ULK4: variants seen among roughly 807,000 people sequenced by gnomAD.
ULK4 encodes the protein unc-51 like kinase 4.
Under a neutral mutation model 160.6 loss-of-function variants are expected in ULK4, and 133 were observed. The ratio of observed to expected loss-of-function variants is 0.83; its 90% CI spans 0.72 to 0.96. The LOEUF is 0.96. Ranked by LOEUF, ULK4 falls within the 40% of genes least tolerant of loss-of-function variation. The pLI is 0.00. For synonymous variants in ULK4, 534 were observed against 539.8 expected, an observed-to-expected ratio of 0.99 and a Z score of 0.15; for missense variants, 1,580 against 1,499.5, an observed-to-expected ratio of 1.05 and a Z score of -0.89.
At chr3:41,318,921 T>C (rs886232117) in intron 35 of ULK4, among the ~76,000 whole-genome samples, 2 of 152,112 alleles carry the variant, frequency 1.3e-5, no homozygotes, top group African/African-American at 4.8e-5. Flanking sequence ...CTACTTCCAG[T>C]GTATGTTAAT....
At chr3:41,264,902 A>G (rs1449327910) in intron 35 of ULK4, among the ~76,000 whole-genome samples, 2 of 152,188 alleles carry the variant, frequency 1.3e-5, no homozygotes, top group Non-Finnish European at 2.9e-5. Flanking sequence ...AACATGCTCT[A>G]CTGAGCAAAA....
At chr3:41,702,100 A>T (rs2036695351) in intron 27 of ULK4, among the ~76,000 whole-genome samples, 1 of 152,202 alleles carries the variant, frequency 6.6e-6, no homozygotes, top group Non-Finnish European at 1.5e-5. Flanking sequence ...TATAGTTAGA[A>T]GTAAAAAAAC....
intron 1 of ULK4, among the ~76,000 whole-genome samples, chr3:41,959,475 C>T (rs1700595579): frequency 6.7e-6 from 1 of 149,826 alleles, no homozygotes; most frequent in Non-Finnish European, 1.5e-5. Context: ...TGCAGTGAGC[C>T]GATTGCGCCA....
chr3:41,794,660 CAAAAAAAAAAAAA>C (rs71075484), intron 20 of ULK4, among the ~76,000 whole-genome samples: 4 of 18,996 alleles, frequency 2.1e-4, no homozygotes, highest in East Asian at 2.6e-3. Flanking sequence ...GACTCTGTCT[CAAAAAAAAAAAAA>C]AAAAAAAAAA....
At chr3:41,548,554 T>C (rs1450390768) in intron 32 of ULK4, among the ~76,000 whole-genome samples, 2 of 152,056 alleles carry the variant, frequency 1.3e-5, no homozygotes, top group Non-Finnish European at 2.9e-5. Context: ...CAGAACATCA[T>C]TACCACTGCT....
intron 18 of ULK4, among the ~76,000 whole-genome samples, chr3:41,826,071 T>G (rs1345487947): frequency 6.6e-6 from 1 of 152,018 alleles, no homozygotes; most frequent in Non-Finnish European, 1.5e-5. Context: ...GCTTCGTAAG[T>G]GAAGGAGAAA....
At chr3:41,822,107 T>C (rs532629125) in intron 18 of ULK4, among the ~76,000 whole-genome samples, 7 of 152,292 alleles carry the variant, frequency 4.6e-5, no homozygotes, top group Admixed American at 2.0e-4. Context: ...GCTGACATAA[T>C]TACCCTCTTA....
chr3:41,253,197 A>G (rs779126462), intron 35 of ULK4, among the ~76,000 whole-genome samples: 10 of 152,148 alleles, frequency 6.6e-5, no homozygotes, highest in Non-Finnish European at 1.5e-4. Context: ...CACCAGAAGG[A>G]AACTTGGAAC....
chr3:41,476,151 C>T (rs1038286456), intron 32 of ULK4, among the ~76,000 whole-genome samples: 2 of 151,970 alleles, frequency 1.3e-5, no homozygotes, highest in Non-Finnish European at 2.9e-5. Context: ...GGTCCATAAC[C>T]CCTAAGGGTA....
chr3:41,570,201 T>A (rs1010548721), intron 31 of ULK4, among the ~76,000 whole-genome samples: 1 of 152,252 alleles, frequency 6.6e-6, no homozygotes, highest in Admixed American at 6.5e-5. Flanking sequence ...TTGCCATGTA[T>A]GCCGTTGTTT....
chr3:41,692,389 T>C (rs1289595489), intron 27 of ULK4, among the ~76,000 whole-genome samples: 4 of 152,078 alleles, frequency 2.6e-5, no homozygotes, highest in Non-Finnish European at 5.9e-5. Flanking sequence ...AAATAGAGAC[T>C]GAATCATTGA....
At chr3:41,264,655 T>C (rs1328656626) in intron 35 of ULK4, among the ~76,000 whole-genome samples, 1 of 152,210 alleles carries the variant, frequency 6.6e-6, no homozygotes, top group Non-Finnish European at 1.5e-5. Flanking sequence ...AAAAAAGAGT[T>C]TCCATTTGAA....
At chr3:41,722,673 G>C (rs1396377377) in intron 22 of ULK4, among the ~76,000 whole-genome samples, 1 of 151,308 alleles carries the variant, frequency 6.6e-6, no homozygotes, top group African/African-American at 2.5e-5. Flanking sequence ...TAAAATGAAA[G>C]AGAGCCTGAC....
intron 34 of ULK4, among the ~76,000 whole-genome samples, chr3:41,443,731 C>T (rs2083225367): frequency 6.8e-6 from 1 of 147,498 alleles, no homozygotes; most frequent in Admixed American, 6.8e-5. Context: ...TAAAATGAAC[C>T]TAATTTTAAA....
intron 31 of ULK4, among the ~76,000 whole-genome samples, chr3:41,580,701 G>A (rs2030245959): frequency 6.6e-6 from 1 of 152,156 alleles, no homozygotes; most frequent in Non-Finnish European, 1.5e-5. Context: ...TGCATCAGCT[G>A]CCTCATCCGG....
intron 25 of ULK4, among the ~76,000 whole-genome samples, chr3:41,706,602 C>G (rs2036896518): frequency 6.6e-6 from 1 of 150,484 alleles, no homozygotes. Flanking sequence ...CCAAGGCGGG[C>G]AGATTACTTG....
rs183736719 is a variant in ULK4, at chr3:41,724,640, G to A, written c.2322-6779C>T. ...CGGGAGGCTGAGGCAGGAGAATGGCGTGAACCCGGGAGGCAGAGCTTGCAG... is the reference window on the plus strand; with the variant it reads ...CGGGAGGCTGAGGCAGGAGAATGGCATGAACCCGGGAGGCAGAGCTTGCAG... On this transcript the variant is annotated intron_variant, in intron 22 of 36. Transcript: ENST00000301831. 5.5e-3 allele frequency among the ~76,000 whole-genome samples: 840 copies of A among 152,082 alleles called. 4 individuals are homozygous for A. The highest frequency in any genetic ancestry group is 0.019 in the African/African-American group (796 of 41,514).
chr3:41,476,463 T>G (rs2084147062), intron 32 of ULK4, among the ~76,000 whole-genome samples: 2 of 152,292 alleles, frequency 1.3e-5, no homozygotes, highest in South Asian at 4.1e-4. Flanking sequence ...GCCAAGGCTG[T>G]GTTCTCCAGA....
intron 35 of ULK4, among the ~76,000 whole-genome samples, chr3:41,294,191 T>A (rs1489961270): frequency 1.3e-5 from 2 of 152,154 alleles, no homozygotes; most frequent in Non-Finnish European, 2.9e-5. Context: ...TCGTGAATGG[T>A]TTAGTGCTGC....
Sources: gnomAD v4.1 joint callset for allele counts (sites outside exome capture counted in the v4.1 genomes callset) on GRCh38, gnomAD v4.1.1 for gene constraint, MANE v1.5 for transcripts, NCBI Gene and HGNC (gene_info 2026-07-23, HGNC 2026-07-21) for gene names.